Variants in PTPN4 observed in about 807,000 individuals in gnomAD.
PTPN4 encodes the protein tyrosine-protein phosphatase non-receptor type 4.
PTPN4 carries 49 observed loss-of-function variants against 135.5 expected under a neutral mutation model. The observed-to-expected ratio is 0.36, with a 90% CI of 0.29 to 0.46. The LOEUF (loss-of-function observed/expected upper bound fraction) is 0.46. PTPN4 is among the 20% of genes least tolerant of loss of function. The probability of loss-of-function intolerance (pLI) is 1.00; values close to 1 mark genes in which losing one functional copy is unlikely to be tolerated. For synonymous variants in PTPN4, 333 were observed against 369.9 expected (o/e 0.90, Z 1.14); for missense variants, 860 against 1,101.0 (o/e 0.78, Z 3.10).
intron 22 of PTPN4, among the ~76,000 whole-genome samples, chr2:119,957,726 A>C (rs1321713062): frequency 1.3e-5 from 2 of 152,188 alleles, no homozygotes; most frequent in Admixed American, 6.5e-5. Context: ...TCATGTACAC[A>C]TCACTCAGTT....
intron 2 of PTPN4, among the ~76,000 whole-genome samples, chr2:119,830,820 T>A (rs1279626079): frequency 6.6e-6 from 1 of 152,082 alleles, no homozygotes; most frequent in African/African-American, 2.4e-5. Flanking sequence ...TCTCTTTGCC[T>A]TCCACTATGA....
chr2:119,934,682 G>C, intron 14 of PTPN4, 118 bp from the exon 15 acceptor site: 1 of 1,000,842 alleles, frequency 1.0e-6, no homozygotes, highest in South Asian at 1.5e-5. Context: ...AGATTGCTTA[G>C]TCAACATGGC....
chr2:119,833,310 T>C (rs1224900464), intron 2 of PTPN4, among the ~76,000 whole-genome samples: 1 of 152,112 alleles, frequency 6.6e-6, no homozygotes, highest in African/African-American at 2.4e-5. Context: ...TTGTTGTAAA[T>C]AACATTTGTG....
chr2:119,856,268 C>T (rs1677679853), intron 2 of PTPN4, among the ~76,000 whole-genome samples: 1 of 152,184 alleles, frequency 6.6e-6, no homozygotes, highest in African/African-American at 2.4e-5. Context: ...TTTGAACTAT[C>T]AGCAGTTACA....
chr2:119,860,143 A>G (rs1574374672), intron 2 of PTPN4, among the ~76,000 whole-genome samples: 1 of 152,212 alleles, frequency 6.6e-6, no homozygotes, highest in South Asian at 2.1e-4. Flanking sequence ...TAGCTTTTAA[A>G]AAAGATTAAT....
intron 1 of PTPN4, among the ~76,000 whole-genome samples, chr2:119,776,563 C>T (rs1164932839): frequency 1.3e-5 from 2 of 152,168 alleles, no homozygotes; most frequent in African/African-American, 2.4e-5. Flanking sequence ...GTGCCTGCCT[C>T]TCCTGCTTCC....
rs555443273 is a variant in PTPN4 at position 119,849,896 on chromosome 2, TC to T, written c.139-12639del. Among the ~76,000 whole-genome samples, 224 of 152,360 alleles carry T rather than the reference TC, an allele frequency of 1.5e-3. 2 individuals carry two copies. The highest frequency in any genetic ancestry group is 5.0e-3 in the African/African-American group (209 of 41,578). On this transcript the variant is annotated intron_variant, in intron 2 of 26. Transcript: ENST00000263708. Reference sequence around the variant, plus strand: ...TTATTGTCTAATTTCTACATTTTTTTCATCAGTATATAAATAGAGCATAAAT... The same window carrying T: ...TTATTGTCTAATTTCTACATTTTTTTATCAGTATATAAATAGAGCATAAAT...
At chr2:119,827,431 G>T (rs2104960617) in intron 2 of PTPN4, among the ~76,000 whole-genome samples, 1 of 152,258 alleles carries the variant, frequency 6.6e-6, no homozygotes, top group East Asian at 1.9e-4. Flanking sequence ...TGAGCTGTTT[G>T]TTTACTTGCT....
At chr2:119,793,378 C>A (rs548414076) in intron 1 of PTPN4, among the ~76,000 whole-genome samples, 125 of 152,282 alleles carry the variant, frequency 8.2e-4, no homozygotes, top group Non-Finnish European at 1.5e-3. Flanking sequence ...TCTCCCTTGT[C>A]CCCTGAACAT....
chr2:119,968,067 C>A (rs1679471037), intron 26 of PTPN4, 95 bp downstream of exon 26: 3 of 1,065,478 alleles, frequency 2.8e-6, no homozygotes, highest in South Asian at 2.7e-5. Context: ...CCTTTTTTAT[C>A]TTTTCAATTC....
At chr2:119,877,967 A>G (rs1678010565) in intron 5 of PTPN4, among the ~76,000 whole-genome samples, 1 of 152,142 alleles carries the variant, frequency 6.6e-6, no homozygotes, top group South Asian at 2.1e-4. Context: ...TATAAAATAT[A>G]TAACCATTAT....
intron 19 of PTPN4, 103 bp downstream of exon 19, chr2:119,952,232 T>G (rs1414667475): frequency 6.2e-6 from 7 of 1,128,070 alleles, no homozygotes; most frequent in Admixed American, 4.7e-5. Context: ...TCACCTAAGT[T>G]TCCTGCTCAA....
At chr2:119,946,696 T>G (rs1679137736) in intron 18 of PTPN4, 122 bp downstream of exon 18, 1 of 809,294 alleles carries the variant, frequency 1.2e-6, no homozygotes, top group African/African-American at 1.7e-5. Context: ...AAGTGTCAAA[T>G]GTTGGCTGAA....
chr2:119,816,863 G>C (rs1042975570), intron 2 of PTPN4, among the ~76,000 whole-genome samples: 3 of 152,232 alleles, frequency 2.0e-5, no homozygotes, highest in African/African-American at 7.2e-5. Flanking sequence ...TTACGGAGAT[G>C]TGAAGTTGTC....
At chr2:119,834,670 G>A (rs894935383) in intron 2 of PTPN4, among the ~76,000 whole-genome samples, 1 of 152,010 alleles carries the variant, frequency 6.6e-6, no homozygotes, top group Non-Finnish European at 1.5e-5. Context: ...ATTGCATAGT[G>A]GCTCTAAGCA....
chr2:119,905,003 G>A (rs1177418100), intron 10 of PTPN4, among the ~76,000 whole-genome samples: 3 of 138,888 alleles, frequency 2.2e-5, no homozygotes, highest in Non-Finnish European at 4.7e-5. Flanking sequence ...TAGAGTAGAT[G>A]AGAAAAAGAA....
At chr2:119,966,895 C>A (rs1047589442) in intron 25 of PTPN4, among the ~76,000 whole-genome samples, 1 of 152,204 alleles carries the variant, frequency 6.6e-6, no homozygotes, top group Non-Finnish European at 1.5e-5. Context: ...ACAGTTGTTC[C>A]TCCCTATTAC....
Position 119,945,356 on chromosome 2 carries a change from T to C in PTPN4, c.1515+116T>C, listed in dbSNP as rs1448232794. ...AAGTTGTATTACAGTACCTTCTCTT[T>C]TTCATCATATTCTTTGGTCCTGAAT... On this transcript the variant is annotated intron_variant, in intron 16 of 26. Coordinates refer to ENST00000263708, the MANE Select transcript of PTPN4 (RefSeq NM_002830.4). 22 of 883,252 alleles carry C rather than the reference T, an allele frequency of 2.5e-5. No homozygotes were observed. The Admixed American group carries it at 5.7e-4, about 23-fold the overall frequency. 54.7% of individuals were successfully genotyped at this position (883,252 alleles called of 1,614,324 possible).
At chr2:119,815,201 AC>A (rs961681664) in intron 2 of PTPN4, among the ~76,000 whole-genome samples, 1 of 152,110 alleles carries the variant, frequency 6.6e-6, no homozygotes, top group African/African-American at 2.4e-5. Flanking sequence ...TTGAAGGCTT[AC>A]TCTGTGACTA....
Sources: gnomAD v4.1 joint callset for allele counts (sites outside exome capture counted in the v4.1 genomes callset) on GRCh38, gnomAD v4.1.1 for gene constraint, MANE v1.5 for transcripts, NCBI Gene and HGNC (gene_info 2026-07-23, HGNC 2026-07-21) for gene names.